NEK1: variants seen among roughly 807,000 people sequenced by gnomAD.
NEK1 encodes the protein serine/threonine-protein kinase Nek1.
Under a neutral mutation model 182.1 loss-of-function variants are expected in NEK1, and 137 were observed. That is an observed-to-expected ratio of 0.75 (90% CI 0.65 to 0.87). The LOEUF is 0.87. Among genes scored for constraint, NEK1 ranks in the 40% least tolerant of loss-of-function variants. The pLI, the probability that NEK1 is intolerant of heterozygous loss-of-function variation, is 0.00. For synonymous variants in NEK1, 513 were observed against 492.2 expected (o/e 1.04, Z -0.56); for missense variants, 1,391 against 1,494.4 (o/e 0.93, Z 1.14).
At chr4:169,554,579 A>G (rs1451252626) in intron 18 of NEK1, 1 of 152,192 alleles carries the variant, frequency 6.6e-6, no homozygotes, top group Non-Finnish European at 1.5e-5. Flanking sequence ...GCCACATACT[A>G]TATGATTCCA....
At chr4:169,567,395 GA>G (rs199696036) in intron 12 of NEK1, among the ~76,000 whole-genome samples, 6 of 146,338 alleles carry the variant, frequency 4.1e-5, no homozygotes, top group South Asian at 2.1e-4. Context: ...AGTTTTAAGT[GA>G]AAAAAAAAAT....
chr4:169,489,584 T>C (rs1749687712), intron 23 of NEK1, among the ~76,000 whole-genome samples: 1 of 152,172 alleles, frequency 6.6e-6, no homozygotes, highest in African/African-American at 2.4e-5. Flanking sequence ...TGGGCCCTTG[T>C]TGCTGCTGTA....
At chr4:169,603,169 A>G (rs1770769308) in intron 2 of NEK1, among the ~76,000 whole-genome samples, 3 of 152,198 alleles carry the variant, frequency 2.0e-5, no homozygotes, top group Admixed American at 6.5e-5. Context: ...TTCAAAGAAT[A>G]TGCCCATGTT....
chr4:169,545,488 G>C (rs1226111876), intron 18 of NEK1, among the ~76,000 whole-genome samples: 1 of 149,494 alleles, frequency 6.7e-6, no homozygotes, highest in African/African-American at 2.5e-5. Flanking sequence ...CTTTGCTATT[G>C]TGAATAATGC....
At chr4:169,408,828 T>G (rs925844112) in intron 31 of NEK1, among the ~76,000 whole-genome samples, 2 of 152,262 alleles carry the variant, frequency 1.3e-5, no homozygotes, top group African/African-American at 4.8e-5. Flanking sequence ...CTGAGTAGTC[T>G]TCCAAGGTAC....
chr4:169,494,905 A>G (rs1750868261), intron 23 of NEK1, among the ~76,000 whole-genome samples: 2 of 152,192 alleles, frequency 1.3e-5, no homozygotes, highest in Admixed American at 1.3e-4. Context: ...TCTTTTGAGA[A>G]GCGTCTGTTC....
At chr4:169,422,671 T>C (rs1735689194) in intron 31 of NEK1, among the ~76,000 whole-genome samples, 1 of 152,200 alleles carries the variant, frequency 6.6e-6, no homozygotes, top group South Asian at 2.1e-4. Context: ...TTCTAGTGTT[T>C]TTTCTTGCCT....
At chr4:169,456,384 A>C (rs1742886233) in intron 27 of NEK1, among the ~76,000 whole-genome samples, 1 of 152,172 alleles carries the variant, frequency 6.6e-6, no homozygotes, top group Non-Finnish European at 1.5e-5. Flanking sequence ...AAATAAATAA[A>C]ATAGAAACAA....
rs572774633 is a variant in NEK1 at position 169,486,181 on chromosome 4, CT to C, written c.2008-6648del. Among the ~76,000 whole-genome samples, 1,119 of 151,436 alleles carry C rather than the reference CT, an allele frequency of 7.4e-3. 26 individuals carry two copies. The highest frequency in any genetic ancestry group is 0.026 in the African/African-American group (1,057 of 41,300). ...AGTTTTAAAAGAAATGCTTTAGAAGCTTTTTTTTTCTTAGCCATTTTTCTCA... is the reference window on the plus strand; with the variant it reads ...AGTTTTAAAAGAAATGCTTTAGAAGCTTTTTTTTCTTAGCCATTTTTCTCA... On this transcript the variant is annotated intron_variant, in intron 23 of 35. Coordinates refer to ENST00000507142, the MANE Select transcript of NEK1 (RefSeq NM_001199397.3).
At chr4:169,567,563 T>C (rs13327970) in intron 12 of NEK1, among the ~76,000 whole-genome samples, 43,941 of 151,982 alleles carry the variant, frequency 0.29, 8,980 homozygotes, top group African/African-American at 0.59. Flanking sequence ...CCATGCCTGG[T>C]TAATTTTTGT....
intron 26 of NEK1, among the ~76,000 whole-genome samples, chr4:169,474,278 T>A (rs143269669): frequency 2.0e-5 from 3 of 152,278 alleles, no homozygotes; most frequent in South Asian, 4.1e-4. Flanking sequence ...TAAAAGAACT[T>A]TGGACTTTTA....
At chr4:169,419,155 G>A (rs1735033375) in intron 31 of NEK1, among the ~76,000 whole-genome samples, 1 of 151,964 alleles carries the variant, frequency 6.6e-6, no homozygotes, top group African/African-American at 2.4e-5. Context: ...CTAGAAACCA[G>A]TGATAAAAAG....
intron 23 of NEK1, 133 bp from the exon 24 acceptor site, chr4:169,479,667 G>T: frequency 1.4e-6 from 1 of 719,136 alleles, no homozygotes; most frequent in Non-Finnish European, 2.2e-6. Context: ...TATCTGTTGA[G>T]CAAGGCATTA....
chr4:169,529,181 C>T (rs1000428247), intron 19 of NEK1, among the ~76,000 whole-genome samples: 1 of 152,078 alleles, frequency 6.6e-6, no homozygotes, highest in Non-Finnish European at 1.5e-5. Flanking sequence ...AAGGTCTCAA[C>T]TCAATGTTTT....
At chr4:169,429,106 G>T (rs1476470867) in intron 29 of NEK1, among the ~76,000 whole-genome samples, 1 of 151,926 alleles carries the variant, frequency 6.6e-6, no homozygotes, top group African/African-American at 2.4e-5. Flanking sequence ...CAGAGGGCTG[G>T]CTTTTCATAT....
intron 12 of NEK1, chr4:169,576,708 T>C (rs1207532829): frequency 8.8e-6 from 3 of 341,910 alleles, no homozygotes; most frequent in Admixed American, 4.5e-5. Context: ...CACTCGCTTT[T>C]TATTACACTA....
At chr4:169,544,948 T>C (rs1760131060) in intron 18 of NEK1, among the ~76,000 whole-genome samples, 1 of 151,972 alleles carries the variant, frequency 6.6e-6, no homozygotes, top group South Asian at 2.1e-4. Context: ...GATTCATTGA[T>C]TTTTTGAAGG....
chr4:169,542,714 T>A (rs192877325), intron 18 of NEK1, among the ~76,000 whole-genome samples: 4 of 152,188 alleles, frequency 2.6e-5, no homozygotes, highest in Non-Finnish European at 4.4e-5. Context: ...TGGTATCTCA[T>A]TGTGGTTTTG....
intron 12 of NEK1, among the ~76,000 whole-genome samples, chr4:169,574,956 G>A (rs1451587426): frequency 6.6e-6 from 1 of 152,104 alleles, no homozygotes; most frequent in Non-Finnish European, 1.5e-5. Context: ...GAGTTTTCTG[G>A]AAGAGATTAC....
Sources: gnomAD v4.1 joint callset for allele counts (sites outside exome capture counted in the v4.1 genomes callset) on GRCh38, gnomAD v4.1.1 for gene constraint, MANE v1.5 for transcripts, NCBI Gene and HGNC (gene_info 2026-07-23, HGNC 2026-07-21) for gene names.